Variants in PPM1L observed in about 807,000 individuals in gnomAD.
The protein encoded by PPM1L is protein phosphatase, Mg2+/Mn2+ dependent 1L, also known as protein phosphatase 1L.
A neutral mutation model predicts 31.4 loss-of-function variants in PPM1L; 13 were observed. The ratio of observed to expected loss-of-function variants is 0.41; its 90% CI spans 0.27 to 0.66. PPM1L has a LOEUF of 0.66. PPM1L is among the 30% of genes least tolerant of loss of function. PPM1L has a pLI of 0.29. For missense variants in PPM1L, 326 were observed against 453.7 expected (o/e 0.72, Z 2.56); for synonymous variants, 184 against 175.4 (o/e 1.05, Z -0.39).
At chr3:160,857,622 A>G (rs1482451015) in intron 1 of PPM1L, among the ~76,000 whole-genome samples, 1 of 152,008 alleles carries the variant, frequency 6.6e-6, no homozygotes, top group Non-Finnish European at 1.5e-5. Flanking sequence ...TCATTCTTTC[A>G]TTTTGAGTAT....
intron 1 of PPM1L, among the ~76,000 whole-genome samples, chr3:160,864,349 A>G (rs920858683): frequency 4.6e-5 from 7 of 151,844 alleles, no homozygotes; most frequent in African/African-American, 1.7e-4. Flanking sequence ...TAATTTTTGT[A>G]TGTTTTTTGT....
At chr3:160,771,570 T>TTA (rs1553804597) in intron 1 of PPM1L, among the ~76,000 whole-genome samples, 272 of 139,328 alleles carry the variant, frequency 2.0e-3, no homozygotes, top group African/African-American at 5.4e-3. Context: ...TTTTTTTTTT[T>TTA]AAAAAGAGCA....
intron 1 of PPM1L, among the ~76,000 whole-genome samples, chr3:160,784,168 G>A (rs6791258): frequency 0.017 from 2,571 of 152,022 alleles, 70 homozygotes; most frequent in African/African-American, 0.058. Flanking sequence ...TAAAAAAAGC[G>A]TACCTATCTA....
chr3:160,957,304 T>C, intron 1 of PPM1L, among the ~76,000 whole-genome samples: 1 of 152,352 alleles, frequency 6.6e-6, no homozygotes, highest in East Asian at 1.9e-4. Context: ...AGTTTATCAC[T>C]GATGGGCATT....
rs181917387 is a variant in PPM1L at position 160,864,428 on chromosome 3, C to T, written c.400-97308C>T. Among the ~76,000 whole-genome samples, 343 of 152,320 alleles carry T rather than the reference C, an allele frequency of 2.3e-3. 2 individuals carry two copies. Among genetic ancestry groups the T allele is most frequent in the African/African-American group, 7.8e-3 (324 of 41,570 alleles). ...CTGGGCCCAAGCAGTCTGCCCACCT[C>T]AGCTTCCCCAAATGCTGGGATTACA... On this transcript the variant is annotated intron_variant, in intron 1 of 3. Transcript: ENST00000498165.
intron 1 of PPM1L, among the ~76,000 whole-genome samples, chr3:160,855,591 A>G (rs1445491323): frequency 6.6e-6 from 1 of 152,200 alleles, no homozygotes. Flanking sequence ...AAAGACACCA[A>G]TGCACGGCCA....
Position 161,075,118 on chromosome 3 carries a change from G to T in PPM1L, c.*5961G>T, listed in dbSNP as rs1720059545. On this transcript the variant is annotated 3_prime_UTR_variant, in exon 4 of 4. Coordinates refer to ENST00000498165, the MANE Select transcript of PPM1L (RefSeq NM_139245.4). ...TTACTCGCTGCCACTTCAGGAGAGGGATTGTATCAGCTCTCATTACCTTTT... is the reference window on the plus strand; with the variant it reads ...TTACTCGCTGCCACTTCAGGAGAGGTATTGTATCAGCTCTCATTACCTTTT... 6.6e-6 allele frequency: 1 copy of T among 152,088 alleles called. No individual in the cohort carries two copies. The highest frequency in any genetic ancestry group is 2.4e-5 in the African/African-American group (1 of 41,388). 9.4% of individuals were successfully genotyped at this position (152,088 alleles called of 1,614,324 possible).
chr3:160,852,705 A>G (rs1711563423), intron 1 of PPM1L, among the ~76,000 whole-genome samples: 1 of 152,214 alleles, frequency 6.6e-6, no homozygotes, highest in African/African-American at 2.4e-5. Context: ...ATCAGCAACT[A>G]TGCTTTTAAT....
At chr3:161,039,031 G>A (rs1477206444) in intron 2 of PPM1L, among the ~76,000 whole-genome samples, 2 of 152,154 alleles carry the variant, frequency 1.3e-5, no homozygotes, top group Non-Finnish European at 2.9e-5. Context: ...AAATGGCATG[G>A]CAACGTCAGG....
intron 1 of PPM1L, among the ~76,000 whole-genome samples, chr3:160,853,552 T>C (rs1711588291): frequency 6.6e-6 from 1 of 152,152 alleles, no homozygotes; most frequent in African/African-American, 2.4e-5. Flanking sequence ...TTATTTGTAG[T>C]TGACCATGGT....
chr3:160,944,476 G>T (rs527356034), intron 1 of PPM1L, among the ~76,000 whole-genome samples: 1 of 150,026 alleles, frequency 6.7e-6, no homozygotes, highest in East Asian at 2.0e-4. Context: ...TTTCTCTGAG[G>T]ACTGCTAAAA....
At chr3:160,975,413 A>G (rs1000113695) in intron 2 of PPM1L, among the ~76,000 whole-genome samples, 44 of 152,202 alleles carry the variant, frequency 2.9e-4, no homozygotes, top group Non-Finnish European at 2.2e-4. Context: ...TGTGAAGAAA[A>G]TCATCGGTAG....
intron 2 of PPM1L, among the ~76,000 whole-genome samples, chr3:160,987,312 A>G (rs1192991228): frequency 1.3e-5 from 2 of 152,214 alleles, no homozygotes; most frequent in Non-Finnish European, 2.9e-5. Context: ...GAAAGGCAGC[A>G]TGGTGTAATG....
chr3:160,830,373 A>C (rs941725647), intron 1 of PPM1L, among the ~76,000 whole-genome samples: 2 of 152,170 alleles, frequency 1.3e-5, no homozygotes, highest in Non-Finnish European at 2.9e-5. Context: ...CATCATGGTG[A>C]AAATGTATTA....
intron 1 of PPM1L, among the ~76,000 whole-genome samples, chr3:160,773,406 G>T (rs999223071): frequency 3.3e-5 from 5 of 152,164 alleles, no homozygotes; most frequent in Non-Finnish European, 5.9e-5. Context: ...AAAGGGAAAG[G>T]GGTGATTGGC....
intron 1 of PPM1L, among the ~76,000 whole-genome samples, chr3:160,832,581 A>G (rs1434578618): frequency 6.6e-6 from 1 of 152,088 alleles, no homozygotes; most frequent in Non-Finnish European, 1.5e-5. Flanking sequence ...ATGATTGTAA[A>G]TTCACAGGAA....
chr3:160,793,322 A>G (rs990235249), intron 1 of PPM1L, among the ~76,000 whole-genome samples: 1 of 152,210 alleles, frequency 6.6e-6, no homozygotes, highest in African/African-American at 2.4e-5. Context: ...AAATAGAATC[A>G]TGGAGTTGGA....
intron 1 of PPM1L, among the ~76,000 whole-genome samples, chr3:160,915,243 G>A (rs1027818772): frequency 4.6e-5 from 7 of 152,016 alleles, no homozygotes; most frequent in African/African-American, 1.4e-4. Flanking sequence ...CAAAAATCAC[G>A]AGCATTCTTA....
chr3:160,928,193 G>A (rs1395523673), intron 1 of PPM1L, among the ~76,000 whole-genome samples: 4 of 152,146 alleles, frequency 2.6e-5, no homozygotes, highest in African/African-American at 7.2e-5. Context: ...CCTTGGATAC[G>A]TTCCTTAGTT....
Sources: gnomAD v4.1 joint callset for allele counts (sites outside exome capture counted in the v4.1 genomes callset) on GRCh38, gnomAD v4.1.1 for gene constraint, MANE v1.5 for transcripts, NCBI Gene and HGNC (gene_info 2026-07-23, HGNC 2026-07-21) for gene names.